DAB1: variants seen among roughly 807,000 people sequenced by gnomAD.
DAB1 encodes the protein disabled homolog 1.
In DAB1, 15 loss-of-function variants were observed where a neutral mutation model predicts 64.6. That is an observed-to-expected ratio of 0.23 (90% CI 0.16 to 0.36). The LOEUF (loss-of-function observed/expected upper bound fraction) is 0.36, where lower values mean the gene tolerates loss of function less well. Ranked by LOEUF, DAB1 falls within the 10% of genes least tolerant of loss-of-function variation. The pLI, the probability that DAB1 is intolerant of heterozygous loss-of-function variation, is 1.00. For missense variants in DAB1, 596 were observed against 706.7 expected (o/e 0.84, Z 1.78); for synonymous variants, 235 against 251.9 (o/e 0.93, Z 0.64).
intron 5 of DAB1, among the ~76,000 whole-genome samples, chr1:58,128,774 T>A (rs1157726939): frequency 3.0e-5 from 4 of 135,270 alleles, no homozygotes; most frequent in African/African-American, 1.1e-4. Context: ...GATTTGCGTA[T>A]ATTGAACCAG....
At chr1:57,910,222 AC>A (rs750054308) in intron 5 of DAB1, among the ~76,000 whole-genome samples, 11 of 152,306 alleles carry the variant, frequency 7.2e-5, no homozygotes, top group Admixed American at 4.6e-4. Context: ...CCAAGATCAG[AC>A]CATCATCCAT....
intron 12 of DAB1, among the ~76,000 whole-genome samples, chr1:57,013,818 C>G (rs1286072132): frequency 2.0e-5 from 3 of 152,170 alleles, no homozygotes; most frequent in Non-Finnish European, 4.4e-5. Context: ...TATCTGGATT[C>G]TGATTTGGCT....
chr1:57,638,329 T>A (rs1646084636), intron 7 of DAB1, among the ~76,000 whole-genome samples: 1 of 152,124 alleles, frequency 6.6e-6, no homozygotes, highest in Non-Finnish European at 1.5e-5. Flanking sequence ...GAGATAAAAA[T>A]CAGTGTTTAT....
chr1:57,966,809 T>C (rs1335484847), intron 5 of DAB1, among the ~76,000 whole-genome samples: 3 of 152,182 alleles, frequency 2.0e-5, no homozygotes, highest in Non-Finnish European at 4.4e-5. Flanking sequence ...ACCAAGAAGG[T>C]TAAGAACCAC....
chr1:58,135,944 C>T (rs1398087513), intron 5 of DAB1, among the ~76,000 whole-genome samples: 1 of 152,060 alleles, frequency 6.6e-6, no homozygotes, highest in Non-Finnish European at 1.5e-5. Context: ...ATTCAGTTAC[C>T]CTCTCTGCGG....
At chr1:58,159,319 T>C (rs1655387842) in intron 4 of DAB1, among the ~76,000 whole-genome samples, 2 of 152,134 alleles carry the variant, frequency 1.3e-5, no homozygotes, top group South Asian at 2.1e-4. Context: ...AGGTTCAACA[T>C]AGAATGAATC....
intron 7 of DAB1, among the ~76,000 whole-genome samples, chr1:57,597,160 G>A (rs58130148): frequency 4.6e-5 from 7 of 152,116 alleles, no homozygotes; most frequent in African/African-American, 7.2e-5. Flanking sequence ...TCAGCCTAAC[G>A]CCACTTATCT....
At chr1:57,273,975 TA>T (rs1343319506) in intron 2 of DAB1, among the ~76,000 whole-genome samples, 1 of 152,122 alleles carries the variant, frequency 6.6e-6, no homozygotes, top group Admixed American at 6.6e-5. Context: ...TCACTGAAGT[TA>T]TTGGGTACCA....
At chr1:57,270,751 A>G (rs1397218433) in intron 2 of DAB1, among the ~76,000 whole-genome samples, 1 of 152,184 alleles carries the variant, frequency 6.6e-6, no homozygotes, top group African/African-American at 2.4e-5. Flanking sequence ...TTCATCTGTG[A>G]TACTGCATTG....
At chr1:58,493,866 C>T (rs1247950067) in intron 3 of DAB1, among the ~76,000 whole-genome samples, 19 of 151,448 alleles carry the variant, frequency 1.3e-4, no homozygotes, top group Admixed American at 2.0e-4. Flanking sequence ...AGATTCAATG[C>T]CATCCCCATC....
intron 9 of DAB1, chr1:57,033,416 T>C (rs2100435200): frequency 6.2e-7 from 1 of 1,612,918 alleles, no homozygotes; most frequent in Non-Finnish European, 8.5e-7. Flanking sequence ...CATCAAAGTC[T>C]GTGGGCAGGT....
chr1:57,865,485 A>C (rs1397303399), intron 1 of DAB1, among the ~76,000 whole-genome samples: 1 of 151,966 alleles, frequency 6.6e-6, no homozygotes, highest in African/African-American at 2.4e-5. Context: ...ACTTCAAATC[A>C]TGCCATTCTT....
intron 3 of DAB1, among the ~76,000 whole-genome samples, chr1:58,496,325 T>A (rs906299049): frequency 1.3e-5 from 2 of 152,162 alleles, no homozygotes; most frequent in African/African-American, 4.8e-5. Context: ...TTTAACAATT[T>A]TCTGAAATGG....
At chr1:57,359,976 A>T (rs1679420206) in intron 1 of DAB1, among the ~76,000 whole-genome samples, 1 of 152,066 alleles carries the variant, frequency 6.6e-6, no homozygotes, top group African/African-American at 2.4e-5. Flanking sequence ...TGGTCAAATT[A>T]TACATAATCA....
chr1:58,233,054 T>C (rs563428633), intron 4 of DAB1, among the ~76,000 whole-genome samples: 1 of 152,226 alleles, frequency 6.6e-6, no homozygotes, highest in African/African-American at 2.4e-5. Flanking sequence ...TAAATATCTG[T>C]TGAATAAATG....
intron 2 of DAB1, among the ~76,000 whole-genome samples, chr1:57,177,339 A>T (rs1257055143): frequency 1.3e-5 from 2 of 152,134 alleles, no homozygotes; most frequent in African/African-American, 4.8e-5. Context: ...GTTGTGTAGG[A>T]TAAACAGGTT....
At chr1:58,420,177 T>C (rs1644758796) in intron 3 of DAB1, among the ~76,000 whole-genome samples, 14 of 152,218 alleles carry the variant, frequency 9.2e-5, no homozygotes, top group Admixed American at 9.2e-4. Flanking sequence ...TTGTTGTTGT[T>C]GTTGTTAAAA....
chr1:57,990,319 G>T (rs1646313383), intron 5 of DAB1, among the ~76,000 whole-genome samples: 1 of 152,198 alleles, frequency 6.6e-6, no homozygotes. Flanking sequence ...GCCAGTAAAT[G>T]ACAGAAATGG....
At chr1:57,024,076 G>A (rs1172625319) in intron 10 of DAB1, among the ~76,000 whole-genome samples, 4 of 151,984 alleles carry the variant, frequency 2.6e-5, no homozygotes, top group Non-Finnish European at 4.4e-5. Context: ...CCCAGCTCAG[G>A]GGTTGCAATT....
Sources: gnomAD v4.1 joint callset for allele counts (sites outside exome capture counted in the v4.1 genomes callset) on GRCh38, gnomAD v4.1.1 for gene constraint, MANE v1.5 for transcripts, NCBI Gene and HGNC (gene_info 2026-07-23, HGNC 2026-07-21) for gene names.